The following ASAP1 variants were observed in gnomAD, a reference collection of about 807,000 sequenced individuals.
ASAP1 encodes arf-GAP with SH3 domain, ANK repeat and PH domain-containing protein 1.
In ASAP1, 43 loss-of-function variants were observed where a neutral mutation model predicts 145.2. That is an observed-to-expected ratio of 0.30 (90% confidence interval 0.23 to 0.38). ASAP1 has a LOEUF of 0.38. Ranked by LOEUF, ASAP1 falls within the 10% of genes least tolerant of loss-of-function variation. The probability of loss-of-function intolerance (pLI) is 1.00; values close to 1 mark genes in which losing one functional copy is unlikely to be tolerated. For synonymous variants in ASAP1, 546 were observed against 515.5 expected, an observed-to-expected ratio of 1.06 and a Z score of -0.80; for missense variants, 1,018 against 1,355.3, an observed-to-expected ratio of 0.75 and a Z score of 3.91.
intron 3 of ASAP1, among the ~76,000 whole-genome samples, chr8:130,318,885 C>A (rs903825100): frequency 6.6e-6 from 1 of 152,190 alleles, no homozygotes; most frequent in Admixed American, 6.5e-5. Context: ...GGGCCTTCAG[C>A]TGATGGTCTC....
At chr8:130,212,556 T>TTA (rs1375507008) in intron 5 of ASAP1, among the ~76,000 whole-genome samples, 1 of 151,914 alleles carries the variant, frequency 6.6e-6, no homozygotes, top group Non-Finnish European at 1.5e-5. Flanking sequence ...AATGAACAAG[T>TTA]TATATATCTC....
At chr8:130,232,758 C>T (rs1246505442) in intron 4 of ASAP1, among the ~76,000 whole-genome samples, 1 of 152,110 alleles carries the variant, frequency 6.6e-6, no homozygotes, top group Non-Finnish European at 1.5e-5. Context: ...CTTTGGGAAG[C>T]TGAGTGATTG....
intron 24 of ASAP1, among the ~76,000 whole-genome samples, chr8:130,109,380 G>A (rs2097543043): frequency 6.6e-6 from 1 of 152,102 alleles, no homozygotes; most frequent in Non-Finnish European, 1.5e-5. Flanking sequence ...TGAGGCAGCT[G>A]GAGTTTCTTG....
intron 3 of ASAP1, among the ~76,000 whole-genome samples, chr8:130,242,375 C>T (rs1818593915): frequency 1.4e-5 from 2 of 144,422 alleles, no homozygotes; most frequent in Admixed American, 1.4e-4. Flanking sequence ...TTAAAAAATG[C>T]TTTTTAATGG....
In ASAP1 at chr8:130,109,718, T is replaced by C. The variant is rs190419275; in HGVS notation, c.2401+2376A>G. Reference sequence around the variant, plus strand: ...TGCACACAGAGTATCAGCTGATCTTTAACAATGTCTTCTAAGAGCTCCATT... The same window carrying C: ...TGCACACAGAGTATCAGCTGATCTTCAACAATGTCTTCTAAGAGCTCCATT... On this transcript the variant is annotated intron_variant, in intron 24 of 29. Transcript: ENST00000518721. Among the ~76,000 whole-genome samples, 29 of 152,346 alleles carry C rather than the reference T, an allele frequency of 1.9e-4. No homozygotes were observed. In the East Asian group the frequency reaches 4.0e-3, roughly 21 times the overall value.
At chr8:130,077,035 CTG>C (rs1202852792) in intron 26 of ASAP1, among the ~76,000 whole-genome samples, 1 of 152,210 alleles carries the variant, frequency 6.6e-6, no homozygotes, top group Admixed American at 6.5e-5. Context: ...CAAAGCAGCT[CTG>C]TGTTTCCAGA....
rs541934856 is a variant in ASAP1, at chr8:130,169,187, T to C, written c.747-120A>G. On this transcript the variant is annotated intron_variant, in intron 9 of 29. Coordinates refer to ENST00000518721, the MANE Select transcript of ASAP1 (RefSeq NM_018482.4). Reference sequence around the variant, plus strand: ...TACAAAATCTGAAAATACACTTATCTGTATATATATACTCATTCTCTATGG... The same window carrying C: ...TACAAAATCTGAAAATACACTTATCCGTATATATATACTCATTCTCTATGG... The C allele has an allele frequency of 1.3e-4, 76 of 574,916 alleles. 1 individual carries two copies. The South Asian group carries it at 1.8e-3, about 13-fold the overall frequency. The allele number at this position is 574,916 out of a possible 1,614,324, so 35.6% of individuals were successfully genotyped here.
intron 3 of ASAP1, among the ~76,000 whole-genome samples, chr8:130,299,211 G>A (rs1327408446): frequency 1.3e-5 from 2 of 152,136 alleles, no homozygotes; most frequent in South Asian, 2.1e-4. Context: ...GCTGTGAAGC[G>A]TTCAAGGGCA....
At chr8:130,160,252 C>T (rs1336570739) in intron 11 of ASAP1, among the ~76,000 whole-genome samples, 1 of 152,196 alleles carries the variant, frequency 6.6e-6, no homozygotes, top group Non-Finnish European at 1.5e-5. Context: ...CACTGGTAGA[C>T]AGACTACTGT....
chr8:130,309,232 A>T (rs1249861389), intron 3 of ASAP1, among the ~76,000 whole-genome samples: 1 of 152,172 alleles, frequency 6.6e-6, no homozygotes. Flanking sequence ...CAGTCTTGGG[A>T]GTCAAATGGT....
chr8:130,206,285 A>G (rs572577691), intron 5 of ASAP1, among the ~76,000 whole-genome samples: 11 of 152,144 alleles, frequency 7.2e-5, no homozygotes, highest in Non-Finnish European at 1.5e-4. Flanking sequence ...TGCATTATAT[A>G]GTTCAGGGCA....
chr8:130,252,975 C>T (rs903007813), intron 3 of ASAP1, among the ~76,000 whole-genome samples: 1 of 152,122 alleles, frequency 6.6e-6, no homozygotes, highest in East Asian at 1.9e-4. Flanking sequence ...AACCACCAAG[C>T]CTTTTAGCTT....
intron 24 of ASAP1, among the ~76,000 whole-genome samples, chr8:130,108,757 GTTTTTTTTTTTTTTTTTTTT>G (rs10568607): frequency 1.6e-4 from 8 of 51,560 alleles, no homozygotes; most frequent in South Asian, 8.6e-4. Flanking sequence ...TCAAAAACCA[GTTTTTTTTTTTTTTTTTTTT>G]TTTTTTTTTT....
chr8:130,071,652 G>A (rs149959140), intron 27 of ASAP1, among the ~76,000 whole-genome samples: 67 of 152,280 alleles, frequency 4.4e-4, no homozygotes, highest in African/African-American at 1.5e-3. Context: ...CTCAGGGCAA[G>A]AGATGACACT....
intron 12 of ASAP1, 57 bp from the exon 13 acceptor site, chr8:130,152,862 G>A (rs1470610976): frequency 3.8e-6 from 5 of 1,301,772 alleles, no homozygotes; most frequent in Non-Finnish European, 4.4e-6. Context: ...TGGGACATGC[G>A]ACGATACAGT....
At chr8:130,390,490 AG>A (rs1188109632) in intron 2 of ASAP1, among the ~76,000 whole-genome samples, 1 of 152,266 alleles carries the variant, frequency 6.6e-6, no homozygotes, top group African/African-American at 2.4e-5. Context: ...ATATGCTATT[AG>A]GAATATATGA....
At chr8:130,204,020 T>G (rs951272515) in intron 5 of ASAP1, among the ~76,000 whole-genome samples, 1 of 152,192 alleles carries the variant, frequency 6.6e-6, no homozygotes, top group African/African-American at 2.4e-5. Context: ...CAGCATACTC[T>G]AGAGCACGGG....
chr8:130,302,741 TG>T (rs2137442525), intron 3 of ASAP1, among the ~76,000 whole-genome samples: 1 of 152,328 alleles, frequency 6.6e-6, no homozygotes, highest in East Asian at 1.9e-4. Flanking sequence ...AAGAGGCTTT[TG>T]GTTCTGGGGC....
At chr8:130,080,892 C>T (rs1290152547) in intron 25 of ASAP1, among the ~76,000 whole-genome samples, 1 of 152,190 alleles carries the variant, frequency 6.6e-6, no homozygotes, top group Non-Finnish European at 1.5e-5. Flanking sequence ...CTCGGCCTCC[C>T]AAAGTGCTGG....
Sources: gnomAD v4.1 joint callset for allele counts (sites outside exome capture counted in the v4.1 genomes callset) on GRCh38, gnomAD v4.1.1 for gene constraint, MANE v1.5 for transcripts, NCBI Gene and HGNC (gene_info 2026-07-23, HGNC 2026-07-21) for gene names.